UGT2B7: variants seen among roughly 807,000 people sequenced by gnomAD.
UGT2B7 encodes the protein UDP glucuronosyltransferase family 2 member B7.
A neutral mutation model predicts 51.9 loss-of-function variants in UGT2B7; 51 were observed. The ratio of observed to expected loss-of-function variants is 0.98; its 90% CI spans 0.78 to 1.24. The LOEUF is 1.24. UGT2B7 is among the 50% of genes most tolerant of loss of function. UGT2B7 has a pLI of 0.00. For synonymous variants in UGT2B7, 225 were observed against 211.6 expected (o/e 1.06, Z -0.55); for missense variants, 727 against 628.4 (o/e 1.16, Z -1.68).
At chr4:69,104,053 C>A (rs1719514919) in intron 3 of UGT2B7, among the ~76,000 whole-genome samples, 1 of 152,044 alleles carries the variant, frequency 6.6e-6, no homozygotes, top group Non-Finnish European at 1.5e-5. Context: ...TTTTCGGAGG[C>A]CGAGGCAGGC....
rs762303156 is a variant in UGT2B7, at chr4:69,096,504, C to A, written c.-17C>A. On this transcript the variant is annotated 5_prime_UTR_variant, in exon 1 of 6. Coordinates refer to ENST00000305231, the MANE Select transcript of UGT2B7 (RefSeq NM_001074.4). The stretch of plus-strand genomic sequence containing the variant: ...AAAGGAACAGCAACTGGAAAACAAG[C>A]ATTGCATTGCACCAGGATGTCTGTG... 7.4e-6 allele frequency: 12 copies of A among 1,612,392 alleles called. No individual in the cohort carries two copies. In the African/African-American group the frequency reaches 1.1e-4, roughly 14 times the overall value.
chr4:69,055,098 T>TAAAAAAAAAAAAAAAAAAAAA (rs1178892377), intron 1 of UGT2B7, among the ~76,000 whole-genome samples: 12 of 22,562 alleles, frequency 5.3e-4, no homozygotes, highest in African/African-American at 6.0e-4. Context: ...AAGTAATAGC[T>TAAAAAAAAAAAAAAAAAAAAA]AAAAAAAAAA....
chr4:69,081,860 T>C (rs1718845527), intron 1 of UGT2B7, among the ~76,000 whole-genome samples: 1 of 152,192 alleles, frequency 6.6e-6, no homozygotes, highest in South Asian at 2.1e-4. Flanking sequence ...TGTTTTATTA[T>C]GGTTTACACA....
intron 1 of UGT2B7, among the ~76,000 whole-genome samples, chr4:69,065,567 AT>A (rs558611749): frequency 6.6e-6 from 1 of 152,208 alleles, no homozygotes; most frequent in Non-Finnish European, 1.5e-5. Context: ...TATGTGAAAA[AT>A]ATCACTTAAA....
chr4:69,094,005 A>G (rs1719152434), upstream of UGT2B7, among the ~76,000 whole-genome samples: 1 of 152,138 alleles, frequency 6.6e-6, no homozygotes, highest in African/African-American at 2.4e-5. Context: ...TTTTTAGAGT[A>G]TATCTCATAT....
intron 5 of UGT2B7, 135 bp downstream of exon 5, chr4:69,108,457 C>T: frequency 9.1e-7 from 1 of 1,094,810 alleles, no homozygotes; most frequent in Non-Finnish European, 1.3e-6. Flanking sequence ...CTGAAATCTG[C>T]TTTTATTTTT....
chr4:69,095,884 C>A (rs1227206876), upstream of UGT2B7, among the ~76,000 whole-genome samples: 1 of 151,900 alleles, frequency 6.6e-6, no homozygotes, highest in African/African-American at 2.4e-5. Context: ...AAAAATTGTC[C>A]AGAATAGGCA....
rs370956653 is a variant in UGT2B7, at chr4:69,096,793, G to A, written c.273G>A (p.Met91Ile). The A allele has an allele frequency of 1.8e-5, 29 of 1,613,810 alleles. No individual in the cohort carries two copies. The highest frequency in any genetic ancestry group is 2.5e-5 in the Non-Finnish European group (29 of 1,179,906). Residue 91 changes from methionine (M) to isoleucine (I), a missense_variant, in exon 1 of 6, where the codon ATG becomes ATA. By Grantham distance (10) the Met-to-Ile change is conservative. Coordinates refer to ENST00000305231, the MANE Select transcript of UGT2B7 (RefSeq NM_001074.4). ...AAACTGAGTTGGAGAATTTCATCATGCAACAGATTAAGAGATGGTCAGACC... is the reference window on the plus strand; with the variant it reads ...AAACTGAGTTGGAGAATTTCATCATACAACAGATTAAGAGATGGTCAGACC... Reference protein sequence around the residue: ...LTKTELENFIMQQIKRWSDLP... With the variant: ...LTKTELENFIIQQIKRWSDLP...
At chr4:69,087,362 C>G (rs6422323) in intron 1 of UGT2B7, among the ~76,000 whole-genome samples, 94,888 of 151,660 alleles carry the variant, frequency 0.63, 31,146 homozygotes, top group African/African-American at 0.81. Flanking sequence ...TTGACTTTTT[C>G]ATGTCTCAAT....
In UGT2B7 at chr4:69,108,600, A is replaced by G. The variant is rs373272506; in HGVS notation, c.1310+278A>G. On this transcript the variant is annotated intron_variant, in intron 5 of 5. Coordinates refer to ENST00000305231, the MANE Select transcript of UGT2B7 (RefSeq NM_001074.4). ...AAAATACATTTCTTAAAAATTTGAC[A>G]TAATTAATCCATAGAAGAAAGGAAG... Among the ~76,000 whole-genome samples the G allele has an allele frequency of 1.8e-4, 27 of 152,206 alleles. No homozygotes were observed. In the East Asian group the frequency reaches 4.8e-3, roughly 27 times the overall value.
In UGT2B7 at chr4:69,108,012, T is replaced by G. The variant is rs541946259; in HGVS notation, c.1091-91T>G. The G allele has an allele frequency of 3.0e-4, 443 of 1,486,494 alleles. 7 individuals are homozygous for G. In the South Asian group the frequency reaches 5.0e-3, roughly 17 times the overall value. 92.1% of individuals were successfully genotyped at this position (1,486,494 alleles called of 1,614,324 possible). ...ACAATTTTAATTTAGTTCAGTGTTT[T>G]AGCTGGAAAACACTGTCACTTTCAG... is the stretch of plus-strand genomic sequence containing the variant. On this transcript the variant is annotated intron_variant, in intron 4 of 5. Transcript: ENST00000305231.
At chr4:69,070,199 C>CA (rs573803568) in intron 1 of UGT2B7, among the ~76,000 whole-genome samples, 2 of 147,852 alleles carry the variant, frequency 1.4e-5, no homozygotes, top group Non-Finnish European at 3.0e-5. Context: ...CTGTGCATTT[C>CA]AAAAAAACCT....
intron 1 of UGT2B7, among the ~76,000 whole-genome samples, chr4:69,063,873 G>A (rs553901802): frequency 1.3e-5 from 2 of 152,002 alleles, no homozygotes; most frequent in South Asian, 4.2e-4. Flanking sequence ...ATCGTTAACA[G>A]AACCACCTCC....
chr4:69,098,471 C>A (rs1177731088), intron 1 of UGT2B7, 69 bp from the exon 2 acceptor site: 2 of 1,559,704 alleles, frequency 1.3e-6, no homozygotes, highest in African/African-American at 1.4e-5. Flanking sequence ...ATTATTCTAA[C>A]CCCTTTCAGA....
intron 1 of UGT2B7, among the ~76,000 whole-genome samples, chr4:69,081,453 T>G (rs940264950): frequency 1.3e-5 from 2 of 152,178 alleles, no homozygotes; most frequent in African/African-American, 4.8e-5. Context: ...AAATGACCTT[T>G]TGACTGGCTT....
chr4:69,069,081 A>G (rs896115536), intron 1 of UGT2B7, among the ~76,000 whole-genome samples: 2 of 149,370 alleles, frequency 1.3e-5, no homozygotes, highest in Non-Finnish European at 3.0e-5. Flanking sequence ...TTAACAATAA[A>G]AAAACTTGGA....
upstream of UGT2B7, among the ~76,000 whole-genome samples, chr4:69,091,787 G>T (rs1719090980): frequency 6.6e-6 from 1 of 152,134 alleles, no homozygotes; most frequent in African/African-American, 2.4e-5. Context: ...TAAACTCATA[G>T]AAAGGGGCCA....
chr4:69,052,401 G>A (rs1718046885), intron 1 of UGT2B7, among the ~76,000 whole-genome samples: 1 of 152,022 alleles, frequency 6.6e-6, no homozygotes. Context: ...CTTATTAATA[G>A]CAAAGGATAA....
In UGT2B7 at chr4:69,097,182, A is replaced by T; in HGVS notation, c.662A>T (p.Asp221Val). The T allele has an allele frequency of 6.2e-7, 1 of 1,612,798 alleles. No individual in the cohort carries two copies. Among genetic ancestry groups the T allele is most frequent in the Non-Finnish European group, 8.5e-7 (1 of 1,179,400 alleles). ...AATATGATCTATGTGCTTTACTTTG[A>T]CTTTTGGTTCGAAATATTTGACATG... ...VKNMIYVLYFDFWFEIFDMKK... is the reference protein window; with the variant it reads ...VKNMIYVLYFVFWFEIFDMKK... Residue 221 changes from aspartate (D) to valine (V), a missense_variant, in exon 1 of 6, where the codon GAC becomes GTC. By Grantham distance (152) the Asp-to-Val change is radical (BLOSUM62 -3). Coordinates refer to ENST00000305231, the MANE Select transcript of UGT2B7 (RefSeq NM_001074.4).
Sources: gnomAD v4.1 joint callset for allele counts (sites outside exome capture counted in the v4.1 genomes callset) on GRCh38, gnomAD v4.1.1 for gene constraint, MANE v1.5 for transcripts, NCBI Gene and HGNC (gene_info 2026-07-23, HGNC 2026-07-21) for gene names.